DLGAP2: variants seen among roughly 807,000 people sequenced by gnomAD.
DLGAP2 encodes the protein disks large-associated protein 2.
In DLGAP2, 26 loss-of-function variants were observed where a neutral mutation model predicts 100.3. That is an observed-to-expected ratio of 0.26 (90% confidence interval 0.19 to 0.36). The LOEUF is 0.36. Ranked by LOEUF, DLGAP2 falls within the 10% of genes least tolerant of loss-of-function variation. DLGAP2 has a pLI of 1.00. For missense variants in DLGAP2, 1,858 were observed against 1,453.2 expected (o/e 1.28, Z -4.53); for synonymous variants, 886 against 630.1 (o/e 1.41, Z -6.08).
intron 2 of DLGAP2, among the ~76,000 whole-genome samples, chr8:1,121,544 C>A (rs1796048247): frequency 6.6e-6 from 1 of 151,552 alleles, no homozygotes; most frequent in Non-Finnish European, 1.5e-5. Context: ...TCCTTCAGAA[C>A]TCATGACCAC....
chr8:1,422,092 T>C (rs183108058), intron 3 of DLGAP2, among the ~76,000 whole-genome samples: 7 of 152,292 alleles, frequency 4.6e-5, no homozygotes, highest in Admixed American at 3.9e-4. Flanking sequence ...TGTTACTCCA[T>C]GGAATCTCAG....
At chr8:1,179,254 C>T (rs1156484283) in intron 2 of DLGAP2, among the ~76,000 whole-genome samples, 1 of 152,228 alleles carries the variant, frequency 6.6e-6, no homozygotes, top group African/African-American at 2.4e-5. Flanking sequence ...ATTTCAGAGG[C>T]CTTAGATGCA....
At chr8:1,161,157 G>A (rs1446125783) in intron 2 of DLGAP2, among the ~76,000 whole-genome samples, 5 of 152,184 alleles carry the variant, frequency 3.3e-5, no homozygotes. Context: ...TTTATTAACA[G>A]TTTGCATTAT....
At chr8:766,185 A>G (rs10104969) in intron 1 of DLGAP2, among the ~76,000 whole-genome samples, 45,557 of 152,082 alleles carry the variant, frequency 0.3, 7,401 homozygotes, top group Non-Finnish European at 0.36. Context: ...AAAAAACAAG[A>G]AACAAAACCA....
chr8:753,789 T>C (rs1245880234), intron 1 of DLGAP2: 1 of 152,168 alleles, frequency 6.6e-6, no homozygotes, highest in Non-Finnish European at 1.5e-5. Flanking sequence ...AATAGATAAA[T>C]ACTTGTTATT....
rs1380016667 is a variant in DLGAP2 at position 1,470,111 on chromosome 8, G to A, written c.107-31255G>A. ...CAGGAGGTCAAGGCTGCAATGAGCT[G>A]TGATCATGCCACCGCACTGCAGCCT... On this transcript the variant is annotated intron_variant, in intron 3 of 14. Coordinates refer to ENST00000637795, the MANE Select transcript of DLGAP2 (RefSeq NM_001346810.2). 2.6e-5 allele frequency among the ~76,000 whole-genome samples: 4 copies of A among 152,156 alleles called. No homozygotes were observed. The East Asian group carries it at 7.7e-4, about 29-fold the overall frequency.
At chr8:1,198,657 C>G (rs1797804832) in intron 2 of DLGAP2, among the ~76,000 whole-genome samples, 2 of 152,234 alleles carry the variant, frequency 1.3e-5, no homozygotes, top group African/African-American at 2.4e-5. Context: ...CCGAGCCGCT[C>G]AGGCCCAGCT....
At chr8:1,439,415 G>A (rs1361020500) in intron 3 of DLGAP2, among the ~76,000 whole-genome samples, 1 of 152,096 alleles carries the variant, frequency 6.6e-6, no homozygotes, top group Non-Finnish European at 1.5e-5. Flanking sequence ...GAGCCTCTGC[G>A]TGTCCTCTCT....
intron 6 of DLGAP2, among the ~76,000 whole-genome samples, chr8:1,588,551 G>C (rs1563240483): frequency 1.3e-5 from 2 of 152,040 alleles, no homozygotes; most frequent in African/African-American, 2.4e-5. Context: ...ATTAAGGACT[G>C]AATAGATAAA....
At chr8:1,620,240 C>A (rs1194699474) in intron 6 of DLGAP2, 1 of 152,234 alleles carries the variant, frequency 6.6e-6, no homozygotes, top group Non-Finnish European at 1.5e-5. Flanking sequence ...CGGTCTTTCC[C>A]CATCTCATTC....
chr8:1,683,952 GTGTATATATATATATA>G (rs1353922444), intron 12 of DLGAP2, among the ~76,000 whole-genome samples: 4 of 20,344 alleles, frequency 2.0e-4, no homozygotes, highest in Admixed American at 8.3e-4. Context: ...ATATATATGT[GTGTATATATATATATA>G]TATATATATA....
intron 2 of DLGAP2, among the ~76,000 whole-genome samples, chr8:961,926 A>G (rs1217746556): frequency 6.6e-6 from 1 of 152,206 alleles, no homozygotes; most frequent in Non-Finnish European, 1.5e-5. Flanking sequence ...CTTTGCTGGC[A>G]AGGCCGATCA....
rs568819989 is a variant in DLGAP2 at position 1,180,806 on chromosome 8, C to G, written c.74-78045C>G. ...TGTGTGGGTGTGCAAGGGCAGTACA[C>G]TTACCGTTGAGTGTGTGTGGTGCAC... On this transcript the variant is annotated intron_variant, in intron 2 of 14. Coordinates refer to ENST00000637795, the MANE Select transcript of DLGAP2 (RefSeq NM_001346810.2). 1.8e-4 allele frequency among the ~76,000 whole-genome samples: 27 copies of G among 151,778 alleles called. 1 individual carries two copies. The highest frequency in any genetic ancestry group is 6.5e-4 in the African/African-American group (27 of 41,254).
chr8:849,243 C>T (rs117702403), intron 1 of DLGAP2, among the ~76,000 whole-genome samples: 3,113 of 152,214 alleles, frequency 0.02, 41 homozygotes, highest in Non-Finnish European at 0.029. Flanking sequence ...AGCATAGGAT[C>T]GCGTGGTGCA....
In DLGAP2 at chr8:1,702,186, G is replaced by T; in HGVS notation, c.*780G>T. The T allele has an allele frequency of 6.6e-6, 1 of 152,130 alleles. No individual in the cohort carries two copies. The highest frequency in any genetic ancestry group is 1.5e-5 in the Non-Finnish European group (1 of 68,008). The allele number at this position is 152,130 out of a possible 1,614,324, so 9.4% of individuals were successfully genotyped here. A position where few individuals can be genotyped will look rare whatever the true frequency, so the allele number is the denominator to read the frequency against. On this transcript the variant is annotated 3_prime_UTR_variant, in exon 15 of 15. Transcript: ENST00000637795. ...TTACGGAGGGCTGGGAGCTTAAAAG[G>T]AAAACAATGTCCTTACTTGTAAACA...
At chr8:905,308 G>A (rs1452097759) in intron 1 of DLGAP2, among the ~76,000 whole-genome samples, 2 of 152,124 alleles carry the variant, frequency 1.3e-5, no homozygotes, top group Admixed American at 1.3e-4. Context: ...CCTGGGGAGA[G>A]TGAGAGGCTG....
At chr8:1,200,699 G>C (rs373335979) in intron 2 of DLGAP2, among the ~76,000 whole-genome samples, 1 of 151,650 alleles carries the variant, frequency 6.6e-6, no homozygotes, top group Admixed American at 6.5e-5. Context: ...TTCAAAGGTT[G>C]GATCTTATTT....
intron 2 of DLGAP2, among the ~76,000 whole-genome samples, chr8:1,244,078 T>C (rs1032079450): frequency 6.6e-6 from 1 of 151,790 alleles, no homozygotes; most frequent in Non-Finnish European, 1.5e-5. Context: ...ATGGTGGGTG[T>C]CAGCTCTCAG....
At chr8:974,565 G>C (rs555968572) in intron 2 of DLGAP2, among the ~76,000 whole-genome samples, 1 of 152,148 alleles carries the variant, frequency 6.6e-6, no homozygotes, top group Non-Finnish European at 1.5e-5. Flanking sequence ...GACCATAGTG[G>C]AATTAAACTA....
Sources: gnomAD v4.1 joint callset for allele counts (sites outside exome capture counted in the v4.1 genomes callset) on GRCh38, gnomAD v4.1.1 for gene constraint, MANE v1.5 for transcripts, NCBI Gene and HGNC (gene_info 2026-07-23, HGNC 2026-07-21) for gene names.